The following KIAA1549L variants were observed in gnomAD, a reference collection of about 807,000 sequenced individuals.
KIAA1549L encodes KIAA1549 like.
Under a neutral mutation model 160.7 loss-of-function variants are expected in KIAA1549L, and 88 were observed. The observed-to-expected ratio is 0.55, with a 90% confidence interval of 0.46 to 0.65. KIAA1549L has a LOEUF of 0.65. Ranked by LOEUF, KIAA1549L falls within the 30% of genes least tolerant of loss-of-function variation. The pLI is 0.00. For synonymous variants in KIAA1549L, 950 were observed against 976.7 expected (o/e 0.97, Z 0.51); for missense variants, 2,258 against 2,437.5 (o/e 0.93, Z 1.55).
Position 33,542,178 on chromosome 11 carries a change from G to A in KIAA1549L, c.615G>A (p.Leu205=), listed in dbSNP as rs957233692. 2.7e-5 allele frequency: 17 copies of A among 629,246 alleles called. No individual in the cohort carries two copies. The highest frequency in any genetic ancestry group is 2.5e-4 in the Middle Eastern group (1 of 4,026). 39.0% of individuals were successfully genotyped at this position (629,246 alleles called of 1,614,324 possible). Residue 205 remains leucine (L), a synonymous_variant, in exon 2 of 21, where the codon TTG becomes TTA. Coordinates refer to ENST00000658780, the MANE Select transcript of KIAA1549L (RefSeq NM_012194.3). ...GLPLTSMLPS[L]STVPSGTSFS... is the part of the protein sequence containing the mutation. ...CTCTCACCAGCATGCTCCCCTCGTT[G>A]TCCACAGTCCCATCAGGGACATCCT...
intron 1 of KIAA1549L, among the ~76,000 whole-genome samples, chr11:33,386,338 G>A (rs1441563681): frequency 1.3e-5 from 2 of 152,196 alleles, no homozygotes; most frequent in Non-Finnish European, 2.9e-5. Flanking sequence ...CTATTGAGAT[G>A]ATCACAGGGT....
chr11:33,498,185 C>G (rs1852863714), intron 1 of KIAA1549L, among the ~76,000 whole-genome samples: 1 of 152,166 alleles, frequency 6.6e-6, no homozygotes, highest in Non-Finnish European at 1.5e-5. Flanking sequence ...GTCCCAGCTA[C>G]CTAGGAGGCT....
At chr11:33,480,599 G>A (rs1242375817) in intron 1 of KIAA1549L, among the ~76,000 whole-genome samples, 1 of 152,160 alleles carries the variant, frequency 6.6e-6, no homozygotes, top group Non-Finnish European at 1.5e-5. Flanking sequence ...GTATCCCTAA[G>A]GTTGTAACAA....
At chr11:33,584,025 T>A (rs1855731141) in intron 11 of KIAA1549L, among the ~76,000 whole-genome samples, 1 of 152,126 alleles carries the variant, frequency 6.6e-6, no homozygotes, top group African/African-American at 2.4e-5. Flanking sequence ...GGAGATTAGG[T>A]CATGAGGGTG....
rs376700671 is a variant in KIAA1549L, at chr11:33,574,635, T to A, written c.4231-67T>A. The A allele has an allele frequency of 1.3e-4, 188 of 1,466,322 alleles. 1 individual carries two copies. The South Asian group carries it at 2.3e-3, about 18-fold the overall frequency. The allele number at this position is 1,466,322 out of a possible 1,614,324, so 90.8% of individuals were successfully genotyped here. On this transcript the variant is annotated intron_variant, in intron 9 of 20. Transcript: ENST00000658780. ...CAGTCAGGAGAGGAACATCTGCTGA[T>A]CACCTGGGTGATTGCAGGGTCCATG...
chr11:33,588,064 C>T (rs1044411180), intron 11 of KIAA1549L, among the ~76,000 whole-genome samples: 4 of 152,212 alleles, frequency 2.6e-5, no homozygotes, highest in Non-Finnish European at 5.9e-5. Flanking sequence ...AGCTGCTTAA[C>T]CTCTCTGAAC....
chr11:33,420,506 C>T (rs955557900), intron 1 of KIAA1549L, among the ~76,000 whole-genome samples: 3 of 152,076 alleles, frequency 2.0e-5, no homozygotes, highest in Non-Finnish European at 4.4e-5. Context: ...GGATTACAGG[C>T]GTGAGCCACT....
At chr11:33,636,708 A>C (rs749888486) in intron 16 of KIAA1549L, among the ~76,000 whole-genome samples, 2 of 152,188 alleles carry the variant, frequency 1.3e-5, no homozygotes, top group Non-Finnish European at 2.9e-5. Context: ...TATTGTTGTT[A>C]ATTTCTCACT....
intron 6 of KIAA1549L, among the ~76,000 whole-genome samples, chr11:33,558,890 G>A (rs1314758580): frequency 3.3e-5 from 5 of 150,382 alleles, no homozygotes; most frequent in African/African-American, 9.8e-5. Flanking sequence ...CTGGAGTGCA[G>A]TGGTGCAATC....
intron 16 of KIAA1549L, among the ~76,000 whole-genome samples, chr11:33,630,734 C>G (rs1021897735): frequency 2.1e-5 from 3 of 145,486 alleles, no homozygotes; most frequent in Non-Finnish European, 3.0e-5. Context: ...CAGAAATCAC[C>G]CATCTTCTGC....
intron 12 of KIAA1549L, among the ~76,000 whole-genome samples, chr11:33,597,373 G>GGGGAGAAGGGAGGAGGA (rs892193418): frequency 2.0e-5 from 3 of 152,284 alleles, no homozygotes; most frequent in Non-Finnish European, 2.9e-5. Context: ...CGGAGGCAGA[G>GGGGAGAAGGGAGGAGGA]GGGAGAAGGG....
intron 16 of KIAA1549L, among the ~76,000 whole-genome samples, chr11:33,631,267 T>C (rs1851278844): frequency 6.6e-6 from 1 of 152,212 alleles, no homozygotes; most frequent in Non-Finnish European, 1.5e-5. Flanking sequence ...AGATGTGCCC[T>C]TCTAGCTGAC....
chr11:33,471,005 G>A (rs1263067546), intron 1 of KIAA1549L, among the ~76,000 whole-genome samples: 1 of 151,896 alleles, frequency 6.6e-6, no homozygotes, highest in African/African-American at 2.4e-5. Flanking sequence ...TTTTTTTTAA[G>A]AGACTAAATT....
chr11:33,416,137 C>A lies in KIAA1549L; in HGVS notation c.238+39248C>A, dbSNP rs906757709. Among the ~76,000 whole-genome samples the A allele has an allele frequency of 3.9e-5, 6 of 152,228 alleles. No individual in the cohort carries two copies. The East Asian group carries it at 1.2e-3, about 29-fold the overall frequency. On this transcript the variant is annotated intron_variant, in intron 1 of 20. Transcript: ENST00000658780. ...AGGACTGTCCTGAGGCAGGTGACCA[C>A]CCCTGAGTTACGCGTCCTGAAAACC...
At position 33,622,124 on chromosome 11, in the gene KIAA1549L, CATT is replaced by C. The variant is rs551885126; in HGVS notation, c.5409+3464_5409+3466del. Among the ~76,000 whole-genome samples, 404 of 152,240 alleles carry C rather than the reference CATT, an allele frequency of 2.7e-3. 2 individuals carry two copies. Among genetic ancestry groups the C allele is most frequent in the African/African-American group, 9.1e-3 (379 of 41,536 alleles). ...TGCATCTCAAAGAGGCGATCACAGTCATTAGTTCTCACTCCAGAGGGCTTCTTT... is the reference window on the plus strand; with the variant it reads ...TGCATCTCAAAGAGGCGATCACAGTCAGTTCTCACTCCAGAGGGCTTCTTT... On this transcript the variant is annotated intron_variant, in intron 16 of 20. Coordinates refer to ENST00000658780, the MANE Select transcript of KIAA1549L (RefSeq NM_012194.3).
intron 1 of KIAA1549L, among the ~76,000 whole-genome samples, chr11:33,414,190 G>T (rs1429177624): frequency 6.6e-6 from 1 of 152,162 alleles, no homozygotes; most frequent in Non-Finnish European, 1.5e-5. Flanking sequence ...TAGTTATGAA[G>T]ATCATTATAA....
intron 1 of KIAA1549L, among the ~76,000 whole-genome samples, chr11:33,399,846 A>G (rs143388626): frequency 0.01 from 1,545 of 152,312 alleles, 28 homozygotes; most frequent in African/African-American, 0.036. Context: ...GGAGATGGCC[A>G]TGTTTGGGTC....
intron 1 of KIAA1549L, among the ~76,000 whole-genome samples, chr11:33,421,221 C>T (rs1189944566): frequency 8.5e-6 from 1 of 118,146 alleles, no homozygotes; most frequent in Non-Finnish European, 1.6e-5. Context: ...AGTATTGACT[C>T]AGAGGCTAAT....
At chr11:33,619,636 T>G (rs964535881) in intron 16 of KIAA1549L, among the ~76,000 whole-genome samples, 1 of 152,212 alleles carries the variant, frequency 6.6e-6, no homozygotes, top group African/African-American at 2.4e-5. Flanking sequence ...TAATTTGAAT[T>G]TCTAATCACC....
Sources: gnomAD v4.1 joint callset for allele counts (sites outside exome capture counted in the v4.1 genomes callset) on GRCh38, gnomAD v4.1.1 for gene constraint, MANE v1.5 for transcripts, NCBI Gene and HGNC (gene_info 2026-07-23, HGNC 2026-07-21) for gene names.